Variants in UTRN observed in about 807,000 individuals in gnomAD.
UTRN encodes the protein dystrophin-related protein 1.
In UTRN, 283 loss-of-function variants were observed where a neutral mutation model predicts 463.9. That is an observed-to-expected ratio of 0.61 (90% CI 0.55 to 0.67). The LOEUF is 0.67. Among genes scored for constraint, UTRN ranks in the 30% least tolerant of loss-of-function variants. The probability of loss-of-function intolerance (pLI) is 0.00; values close to 1 mark genes in which losing one functional copy is unlikely to be tolerated. For missense variants in UTRN, 3,922 were observed against 4,084.3 expected (o/e 0.96, Z 1.08); for synonymous variants, 1,442 against 1,431.5 (o/e 1.01, Z -0.17).
chr6:144,474,582 C>T (rs749749467), intron 24 of UTRN, 22 bp from the exon 25 acceptor site: 1 of 1,601,778 alleles, frequency 6.2e-7, no homozygotes, highest in Admixed American at 1.7e-5. Context: ...ATGAACTCAA[C>T]ATGCATCTTT....
At position 144,577,295 on chromosome 6, in the gene UTRN, G is replaced by A. The variant is rs748191716; in HGVS notation, c.7479+7G>A. 2 of 1,613,012 alleles carry A rather than the reference G, an allele frequency of 1.2e-6. No homozygotes were observed. Among genetic ancestry groups the A allele is most frequent in the Admixed American group, 3.3e-5 (2 of 59,964 alleles). On this transcript the variant is annotated splice_region_variant and intron_variant, in intron 51 of 74. Coordinates refer to ENST00000367545, the MANE Select transcript of UTRN (RefSeq NM_007124.3). ...ACTCAAACAGCAGATGCAGGTAAGT[G>A]CATGGGAAACCACACCAGTACCTGT...
rs893005221 is a variant in UTRN, at chr6:144,808,770, T to C, written c.9357+5623T>C. 3.9e-5 allele frequency among the ~76,000 whole-genome samples: 6 copies of C among 152,100 alleles called. No individual in the cohort carries two copies. In the East Asian group the frequency reaches 1.2e-3, roughly 29 times the overall value. ...CCCACATATAAGTGAGATCATGCAG[T>C]ATTTGTCTTTCTGTATCTGGGTTAT... On this transcript the variant is annotated intron_variant, in intron 65 of 74. Coordinates refer to ENST00000367545, the MANE Select transcript of UTRN (RefSeq NM_007124.3).
intron 52 of UTRN, among the ~76,000 whole-genome samples, chr6:144,689,986 G>A (rs561517572): frequency 6.6e-6 from 1 of 151,134 alleles, no homozygotes; most frequent in East Asian, 2.0e-4. Context: ...TGGTACTGGT[G>A]GGATTTATGC....
At chr6:144,580,348 G>C (rs1399022135) in intron 51 of UTRN, among the ~76,000 whole-genome samples, 2 of 152,140 alleles carry the variant, frequency 1.3e-5, no homozygotes, top group Non-Finnish European at 2.9e-5. Flanking sequence ...CACATTCGCT[G>C]TTTATACTTG....
Position 144,507,721 on chromosome 6 carries a change from C to T in UTRN, c.4765-3223C>T, listed in dbSNP as rs137945108. Among the ~76,000 whole-genome samples the T allele has an allele frequency of 5.3e-3, 807 of 152,232 alleles. 6 individuals carry two copies. Among genetic ancestry groups the T allele is most frequent in the African/African-American group, 0.019 (779 of 41,540 alleles). ...GTTGACCCCTGCTGGGAGGTGTCTC[C>T]CAGTCAGGAGGCACAGGGGTCAGGG... is the stretch of plus-strand genomic sequence containing the variant. On this transcript the variant is annotated intron_variant, in intron 34 of 74. Transcript: ENST00000367545.
chr6:144,436,118 G>T lies in UTRN; in HGVS notation c.1039G>T (p.Asp347Tyr). ...TTCTGATGATGTTGAAGAAGTCAAA[G>T]ACCAGTTTGCAACCCATGAAGTAAA... ...DISDDVEEVKDQFATHEAFMM... is the reference protein window; with the variant it reads ...DISDDVEEVKYQFATHEAFMM... The change falls in exon 10 of 75, where the codon GAC becomes TAC. Residue 347 changes from aspartate to tyrosine, a missense_variant. By Grantham distance (160) the Asp-to-Tyr change is radical. Around this residue, in one of 3 missense-constraint regions of UTRN, gnomAD observed 2,349 missense variants for 2,303.8 expected, o/e 1.02. Transcript: ENST00000367545. 1 of 1,613,898 alleles carries T rather than the reference G, an allele frequency of 6.2e-7. No individual in the cohort carries two copies. The highest frequency in any genetic ancestry group is 1.1e-5 in the South Asian group (1 of 91,078).
rs1803612259 is a variant in UTRN at position 144,285,827 on chromosome 6, CCCATGCATTATTGAAG to C, written c.-93+9_-93+24del. 1 of 152,316 alleles carries C rather than the reference CCCATGCATTATTGAAG, an allele frequency of 6.6e-6. No homozygotes were observed. Among genetic ancestry groups the C allele is most frequent in the Non-Finnish European group, 1.5e-5 (1 of 68,218 alleles). The allele number at this position is 152,316 out of a possible 1,614,324, so 9.4% of individuals were successfully genotyped here. On this transcript the variant is annotated splice_region_variant and intron_variant, in intron 1 of 74. Transcript: ENST00000367545. ...AGGAGGCCCGCGGGCAGCAGGTAAG[CCCATGCATTATTGAAG>C]CCTCGGGCTGGTAATGTGACTACAG... is the stretch of plus-strand genomic sequence containing the variant.
intron 53 of UTRN, among the ~76,000 whole-genome samples, chr6:144,704,111 TA>T (rs1490935191): frequency 9.2e-5 from 14 of 152,180 alleles, no homozygotes; most frequent in African/African-American, 3.1e-4. Flanking sequence ...ATCATCCATT[TA>T]AAACCTACTT....
chr6:144,511,812 T>C (rs1452494409), intron 35 of UTRN, among the ~76,000 whole-genome samples: 1 of 152,222 alleles, frequency 6.6e-6, no homozygotes, highest in African/African-American at 2.4e-5. Flanking sequence ...TATATGGTTT[T>C]ATGTTCCTAT....
At chr6:144,699,104 G>T (rs764559061) in intron 52 of UTRN, among the ~76,000 whole-genome samples, 1 of 152,054 alleles carries the variant, frequency 6.6e-6, no homozygotes, top group Non-Finnish European at 1.5e-5. Context: ...GGAGTTTTTG[G>T]TTACAAGAGA....
chr6:144,708,781 C>T (rs979206669), intron 53 of UTRN, among the ~76,000 whole-genome samples: 1 of 152,134 alleles, frequency 6.6e-6, no homozygotes, highest in African/African-American at 2.4e-5. Context: ...GGGACTGAGT[C>T]ATTTATAAGG....
intron 51 of UTRN, 28 bp from the exon 52 acceptor site, chr6:144,678,378 C>A (rs368088663): frequency 1.3e-6 from 2 of 1,599,440 alleles, no homozygotes; most frequent in Non-Finnish European, 1.7e-6. Flanking sequence ...CTAACACTTG[C>A]ATTATCTATT....
At chr6:144,671,373 C>CATGTCATCAG in intron 51 of UTRN, among the ~76,000 whole-genome samples, 2 of 151,688 alleles carry the variant, frequency 1.3e-5, no homozygotes, top group African/African-American at 4.8e-5. Flanking sequence ...TAGGTATAAT[C>CATGTCATCAG]CTAAGTATTT....
At chr6:144,444,433 A>G in intron 14 of UTRN, 51 bp downstream of exon 14, 1 of 1,406,346 alleles carries the variant, frequency 7.1e-7, no homozygotes, top group Non-Finnish European at 9.7e-7. Context: ...AAAGTAACCC[A>G]TCTTTTATTG....
intron 64 of UTRN, 80 bp downstream of exon 64, chr6:144,798,070 A>G: frequency 6.3e-7 from 1 of 1,576,812 alleles, no homozygotes; most frequent in South Asian, 1.1e-5. Context: ...CTCCATTCCC[A>G]TTCATTCCCA....
In UTRN at chr6:144,426,267, G is replaced by A; in HGVS notation, c.406-20G>A. On this transcript the variant is annotated intron_variant, in intron 6 of 74. Transcript: ENST00000367545. The stretch of plus-strand genomic sequence containing the variant: ...TTACTGAAGTATTAGTTATGGACAG[G>A]CCTGGTTTCTCTTACATAGGTGAAA... 2 of 1,605,048 alleles carry A rather than the reference G, an allele frequency of 1.2e-6. No individual in the cohort carries two copies. The highest frequency in any genetic ancestry group is 1.7e-6 in the Non-Finnish European group (2 of 1,175,266).
At chr6:144,784,322 T>C (rs1022803017) in intron 61 of UTRN, among the ~76,000 whole-genome samples, 1 of 152,174 alleles carries the variant, frequency 6.6e-6, no homozygotes, top group African/African-American at 2.4e-5. Flanking sequence ...TCCTAACAGT[T>C]CTAGACACTG....
chr6:144,451,650 T>G (rs554766132), intron 18 of UTRN, among the ~76,000 whole-genome samples, 157 bp downstream of exon 18: 23 of 152,004 alleles, frequency 1.5e-4, no homozygotes, highest in Non-Finnish European at 2.6e-4. Context: ...TTTGAATCCA[T>G]TCATGCTAGC....
At chr6:144,531,932 T>C (rs1797097377) in intron 42 of UTRN, among the ~76,000 whole-genome samples, 1 of 152,004 alleles carries the variant, frequency 6.6e-6, no homozygotes, top group Non-Finnish European at 1.5e-5. Flanking sequence ...GGTCAGGAGA[T>C]CGAGACCATC....
Sources: gnomAD v4.1 joint callset for allele counts (sites outside exome capture counted in the v4.1 genomes callset) on GRCh38, gnomAD v4.1.1 for gene constraint, gnomAD v4.1.1 regional missense constraint, MANE v1.5 for transcripts, NCBI Gene and HGNC (gene_info 2026-07-23, HGNC 2026-07-21) for gene names.